The following IPO11 variants were observed in gnomAD, a reference collection of about 807,000 sequenced individuals.
The protein encoded by IPO11 is importin 11.
Under a neutral mutation model 143.2 loss-of-function variants are expected in IPO11, and 66 were observed. The ratio of observed to expected loss-of-function variants is 0.46; its 90% CI spans 0.38 to 0.57. The LOEUF is 0.57. IPO11 is among the 20% of genes least tolerant of loss of function. The pLI is 0.00. For synonymous variants in IPO11, 385 were observed against 377.8 expected, an observed-to-expected ratio of 1.02 and a Z score of -0.22; for missense variants, 1,026 against 1,141.0, an observed-to-expected ratio of 0.90 and a Z score of 1.45.
chr5:62,606,467 C>T (rs931309477), intron 29 of IPO11, among the ~76,000 whole-genome samples: 5 of 116,496 alleles, frequency 4.3e-5, no homozygotes, highest in Non-Finnish European at 6.5e-5. Flanking sequence ...GACAACAGAA[C>T]GAGACCCTGT....
At chr5:62,441,347 C>T (rs1288988973) in intron 2 of IPO11, among the ~76,000 whole-genome samples, 5 of 151,106 alleles carry the variant, frequency 3.3e-5, no homozygotes, top group Admixed American at 1.3e-4. Context: ...TACAGGCATG[C>T]GCAACCATGC....
At chr5:62,574,083 T>C (rs1243344292) in intron 27 of IPO11, among the ~76,000 whole-genome samples, 1 of 152,234 alleles carries the variant, frequency 6.6e-6, no homozygotes, top group Non-Finnish European at 1.5e-5. Context: ...AGTATTATCC[T>C]CAAAATACAA....
intron 1 of IPO11, among the ~76,000 whole-genome samples, chr5:62,415,226 T>A (rs1236779224): frequency 6.6e-6 from 1 of 151,034 alleles, no homozygotes; most frequent in East Asian, 2.0e-4. Flanking sequence ...TGCAGTGGCG[T>A]GATCTCTGCT....
At chr5:62,548,811 C>G (rs183519723) in intron 24 of IPO11, among the ~76,000 whole-genome samples, 4 of 152,138 alleles carry the variant, frequency 2.6e-5, no homozygotes, top group Non-Finnish European at 5.9e-5. Context: ...TGACTTGAGT[C>G]AGTTTCCTCT....
At chr5:62,615,746 A>G (rs1323585560) in intron 29 of IPO11, among the ~76,000 whole-genome samples, 1 of 152,264 alleles carries the variant, frequency 6.6e-6, no homozygotes, top group African/African-American at 2.4e-5. Context: ...AGGAAACAGC[A>G]TAGTACAAAA....
intron 1 of IPO11, among the ~76,000 whole-genome samples, chr5:62,435,162 GTATATATA>G (rs1211970322): frequency 1.1e-5 from 1 of 91,476 alleles, no homozygotes; most frequent in Admixed American, 1.1e-4. Context: ...GTATATATAT[GTATATATA>G]TGTATATATG....
intron 2 of IPO11, among the ~76,000 whole-genome samples, chr5:62,440,714 G>A (rs1405876760): frequency 6.6e-6 from 1 of 151,376 alleles, no homozygotes; most frequent in Non-Finnish European, 1.5e-5. Context: ...TGTAATCCTA[G>A]CACTTTGGGA....
chr5:62,547,180 TTG>T (rs1256802755), intron 24 of IPO11, among the ~76,000 whole-genome samples: 1 of 152,180 alleles, frequency 6.6e-6, no homozygotes, highest in Non-Finnish European at 1.5e-5. Context: ...AAAAGTAAGT[TTG>T]TAATTACATT....
chr5:62,421,522 G>C, intron 1 of IPO11, among the ~76,000 whole-genome samples: 1 of 152,182 alleles, frequency 6.6e-6, no homozygotes, highest in East Asian at 1.9e-4. Flanking sequence ...GGAGTACTGG[G>C]TGGGGACAGG....
chr5:62,624,304 G>T (rs192683051), intron 29 of IPO11, among the ~76,000 whole-genome samples: 4 of 152,150 alleles, frequency 2.6e-5, no homozygotes, highest in Admixed American at 1.3e-4. Context: ...AAAGTGCTGG[G>T]ATTACAGGCA....
intron 2 of IPO11, among the ~76,000 whole-genome samples, chr5:62,440,799 C>T (rs1338281901): frequency 1.3e-5 from 2 of 151,880 alleles, no homozygotes; most frequent in Non-Finnish European, 2.9e-5. Context: ...CCCGTCTTTG[C>T]TAAAAACACA....
At chr5:62,529,408 A>G (rs3776637) in intron 21 of IPO11, among the ~76,000 whole-genome samples, 35,904 of 151,996 alleles carry the variant, frequency 0.24, 5,130 homozygotes, top group South Asian at 0.33. Context: ...TTGATTTCCT[A>G]GGATAAACTT....
At chr5:62,558,961 C>G (rs2112362072) in intron 26 of IPO11, among the ~76,000 whole-genome samples, 1 of 152,180 alleles carries the variant, frequency 6.6e-6, no homozygotes, top group East Asian at 1.9e-4. Context: ...TATAATTACA[C>G]TATACTGTAG....
rs191001159 is a variant in IPO11 at position 62,597,821 on chromosome 5, G to A, written c.2679-3943G>A. Among the ~76,000 whole-genome samples the A allele has an allele frequency of 1.1e-4, 16 of 152,200 alleles. No individual in the cohort carries two copies. In the East Asian group the frequency reaches 1.2e-3, roughly 11 times the overall value. ...ATAAGTGACTATACAAGGACTGTCC[G>A]TTTTAACAATAAAGAATTAGTTGTT... is the stretch of plus-strand genomic sequence containing the variant. On this transcript the variant is annotated intron_variant, in intron 28 of 29. Transcript: ENST00000325324.
rs3077458 is a variant in IPO11, at chr5:62,553,323, AGTGTGTGTGT to A, written c.2460+2019_2460+2028del. Reference sequence around the variant, plus strand: ...TTTGAGGTCGAATAGTATTCGTGTGAGTGTGTGTGTGTGTGTGTGTGTGTGTGTGTGTGTG... The same window carrying A: ...TTTGAGGTCGAATAGTATTCGTGTGAGTGTGTGTGTGTGTGTGTGTGTGTG... On this transcript the variant is annotated intron_variant, in intron 26 of 29. Coordinates refer to ENST00000325324, the MANE Select transcript of IPO11 (RefSeq NM_016338.5). Among the ~76,000 whole-genome samples, 461 of 119,262 alleles carry A rather than the reference AGTGTGTGTGT, an allele frequency of 3.9e-3. 1 individual carries two copies. The highest frequency in any genetic ancestry group is 8.6e-3 in the African/African-American group (275 of 32,062). 78.2% of individuals were successfully genotyped at this position (119,262 alleles called of 152,430 possible).
intron 19 of IPO11, among the ~76,000 whole-genome samples, chr5:62,506,570 A>C (rs1285723532): frequency 6.6e-6 from 1 of 152,164 alleles, no homozygotes; most frequent in Non-Finnish European, 1.5e-5. Flanking sequence ...AAATTGGATC[A>C]ACAGTGTAGA....
intron 2 of IPO11, among the ~76,000 whole-genome samples, chr5:62,441,496 CTTTTTTTTTTTTTTTTTTTT>C (rs995019567): frequency 1.3e-4 from 6 of 47,342 alleles, no homozygotes; most frequent in Admixed American, 1.1e-3. Flanking sequence ...TGTGCCTGGC[CTTTTTTTTTTTTTTTTTTTT>C]TTTTTTTTTT....
intron 20 of IPO11, among the ~76,000 whole-genome samples, chr5:62,521,797 A>T: frequency 6.7e-6 from 1 of 148,518 alleles, no homozygotes; most frequent in African/African-American, 2.5e-5. Context: ...TTTATCTTTC[A>T]GCCTTTTTAT....
At chr5:62,513,705 G>A (rs1463324143) in intron 19 of IPO11, among the ~76,000 whole-genome samples, 7 of 146,692 alleles carry the variant, frequency 4.8e-5, no homozygotes, top group African/African-American at 1.0e-4. Flanking sequence ...CCCCACCCCC[G>A]GACGGGGCGG....
Sources: allele counts gnomAD v4.1 joint callset (sites outside exome capture counted in the v4.1 genomes callset), GRCh38; gene constraint gnomAD v4.1.1; transcripts MANE v1.5; gene names NCBI Gene and HGNC (gene_info 2026-07-23, HGNC 2026-07-21).